THUMPD3: variants seen among roughly 807,000 people sequenced by gnomAD.
THUMPD3 encodes tRNA (guanine(6)-N(2))-methyltransferase THUMP3.
Under a neutral mutation model 54.5 loss-of-function variants are expected in THUMPD3, and 44 were observed. That is an observed-to-expected ratio of 0.81 (90% confidence interval 0.63 to 1.04). THUMPD3 has a LOEUF of 1.04. Ranked by LOEUF, THUMPD3 falls within the 50% of genes least tolerant of loss-of-function variation. The pLI is 0.00. For missense variants in THUMPD3, 604 were observed against 601.3 expected (o/e 1.00, Z -0.05); for synonymous variants, 196 against 201.4 (o/e 0.97, Z 0.23).
At position 9,384,974 on chromosome 3, in the gene THUMPD3, TAC is replaced by T; in HGVS notation, c.*287_*288del. On this transcript the variant is annotated 3_prime_UTR_variant, in exon 10 of 10. Coordinates refer to ENST00000452837, the MANE Select transcript of THUMPD3 (RefSeq NM_001114092.2). ...GGCCAACATGGTGAAACCCTGTCTC[TAC>T]TAGAAATACAAAAATTAGCCAGGTG... The T allele has an allele frequency of 3.5e-6, 1 of 289,462 alleles. No homozygotes were observed. The highest frequency in any genetic ancestry group is 6.7e-6 in the Non-Finnish European group (1 of 149,944). 17.9% of individuals were successfully genotyped at this position (289,462 alleles called of 1,614,324 possible).
intron 6 of THUMPD3, 127 bp from the exon 7 acceptor site, chr3:9,380,376 T>C (rs2032786942): frequency 4.8e-6 from 3 of 625,418 alleles, no homozygotes; most frequent in South Asian, 2.1e-5. Flanking sequence ...GCCAGGGAAA[T>C]AGCACAGTTG....
chr3:9,370,671 C>T (rs1408825736), intron 3 of THUMPD3, among the ~76,000 whole-genome samples: 32 of 152,132 alleles, frequency 2.1e-4, no homozygotes, highest in Non-Finnish European at 4.4e-5. Context: ...GTCTCAAACT[C>T]CTAAGTTCAA....
chr3:9,384,519 C>A lies in THUMPD3; in HGVS notation c.1360-5C>A, dbSNP rs779206276. ...CTAATTGTTATTTTTTTTGTGTGTA[C>A]ACAGGCGTTATCTGGAATGCGACAC... On this transcript the variant is annotated splice_region_variant and splice_polypyrimidine_tract_variant and intron_variant, in intron 9 of 9. Transcript: ENST00000452837. The A allele has an allele frequency of 3.1e-6, 5 of 1,613,838 alleles. No homozygotes were observed. In the African/African-American group the frequency reaches 6.7e-5, roughly 22 times the overall value.
At chr3:9,384,451 TG>T in intron 9 of THUMPD3, 72 bp from the exon 10 acceptor site, 1 of 1,603,954 alleles carries the variant, frequency 6.2e-7, no homozygotes, top group Non-Finnish European at 8.5e-7. Flanking sequence ...TTTCCTATCT[TG>T]GCAGTTAAGA....
chr3:9,369,310 A>AG (rs1491558777), intron 3 of THUMPD3, among the ~76,000 whole-genome samples: 158 of 12,228 alleles, frequency 0.013, no homozygotes, highest in African/African-American at 0.067. Context: ...ACTCCGTCTC[A>AG]AAAAAAAAAA....
At chr3:9,374,983 T>C (rs1026694371) in intron 5 of THUMPD3, among the ~76,000 whole-genome samples, 1 of 152,172 alleles carries the variant, frequency 6.6e-6, no homozygotes. Context: ...CTCAGCCGAA[T>C]AGCTGGGATT....
intron 7 of THUMPD3, 127 bp downstream of exon 7, chr3:9,380,745 TC>T: frequency 2.0e-6 from 1 of 494,580 alleles, no homozygotes; most frequent in South Asian, 3.7e-5. Flanking sequence ...ACTATGAGAC[TC>T]CATTTACATT....
Position 9,377,883 on chromosome 3 carries a change from A to G in THUMPD3, c.1003A>G (p.Ile335Val), listed in dbSNP as rs138446214. The G allele has an allele frequency of 3.1e-6, 5 of 1,610,048 alleles. No homozygotes were observed. Among genetic ancestry groups the G allele is most frequent in the Non-Finnish European group, 3.4e-6 (4 of 1,176,474 alleles). ...AATGTGTGGAACTGGGGCAATACCA[A>G]TAGAGGTAATCATATTTCTTTAGCT... The part of the protein sequence containing the change: ...DPMCGTGAIP[I>V]EGATEWSDCF... Residue 335 changes from isoleucine (I) to valine (V), a missense_variant, in exon 6 of 10, where the codon ATA (isoleucine) becomes GTA (valine). Physicochemically the swap from Ile to Val is conservative, Grantham distance 29 (BLOSUM62 3). Coordinates refer to ENST00000452837, the MANE Select transcript of THUMPD3 (RefSeq NM_001114092.2).
At chr3:9,373,364 C>T (rs1360968440) in intron 4 of THUMPD3, among the ~76,000 whole-genome samples, 1 of 152,006 alleles carries the variant, frequency 6.6e-6, no homozygotes, top group Non-Finnish European at 1.5e-5. Context: ...AGTATGATGA[C>T]AGACACCTAT....
chr3:9,367,084 C>A, intron 3 of THUMPD3, 99 bp downstream of exon 3: 1 of 911,714 alleles, frequency 1.1e-6, no homozygotes, highest in Non-Finnish European at 1.7e-6. Flanking sequence ...TTACTGTAGT[C>A]TTTGTAATAG....
chr3:9,382,220 ATT>A (rs780058527), intron 7 of THUMPD3, among the ~76,000 whole-genome samples: 1 of 152,006 alleles, frequency 6.6e-6, no homozygotes, highest in Non-Finnish European at 1.5e-5. Flanking sequence ...CTTTTATTGC[ATT>A]TTTTTCTTAA....
chr3:9,381,842 T>C lies in THUMPD3; in HGVS notation c.1124+1224T>C, dbSNP rs1277287317. On this transcript the variant is annotated intron_variant, in intron 7 of 9. Transcript: ENST00000452837. ...TCGCCCAGGCTGGAGTGCAGTGGCT[T>C]GATCTCGGCTCACTGCAAGCTCCGC... Among the ~76,000 whole-genome samples, 8 of 130,170 alleles carry C rather than the reference T, an allele frequency of 6.1e-5. 1 individual carries two copies. Among genetic ancestry groups the C allele is most frequent in the East Asian group, 2.8e-4 (1 of 3,622 alleles). The allele number at this position is 130,170 out of a possible 152,430, so 85.4% of individuals were successfully genotyped here.
intron 4 of THUMPD3, among the ~76,000 whole-genome samples, chr3:9,373,273 G>A (rs1381080001): frequency 3.3e-5 from 5 of 151,984 alleles, no homozygotes; most frequent in African/African-American, 9.7e-5. Context: ...TTGGAGGATT[G>A]TTTCAGGCCA....
chr3:9,380,560 G>A lies in THUMPD3; in HGVS notation c.1066G>A (p.Val356Met), dbSNP rs769689196. The change falls in exon 7 of 10, where the codon GTG (valine) becomes ATG (methionine). Residue 356 changes from valine to methionine, a missense_variant. By Grantham distance (21) the Val-to-Met change is conservative (BLOSUM62 1). Transcript: ENST00000452837. ...TGCTGGTGATAATAATCCACTGGCT[G>A]TGAATAGAGCAGCAAATAACATTGC... The part of the protein sequence containing the change: ...HIAGDNNPLA[V>M]NRAANNIASL... 6.2e-7 allele frequency: 1 copy of A among 1,613,798 alleles called. No individual in the cohort carries two copies. The highest frequency in any genetic ancestry group is 1.1e-5 in the South Asian group (1 of 91,054).
chr3:9,380,213 G>A (rs2032775306), intron 6 of THUMPD3, among the ~76,000 whole-genome samples: 3 of 152,126 alleles, frequency 2.0e-5, no homozygotes, highest in African/African-American at 7.2e-5. Flanking sequence ...AAGTGCAGTG[G>A]CAGAGGTACG....
chr3:9,384,528 T>C lies in THUMPD3; in HGVS notation c.1364T>C (p.Leu455Ser), dbSNP rs2033190704. The C allele has an allele frequency of 1.2e-6, 2 of 1,614,116 alleles. No individual in the cohort carries two copies. Among genetic ancestry groups the C allele is most frequent in the African/African-American group, 2.7e-5 (2 of 74,944 alleles). ...TQDTKCFTKA[L>S]SGMRHVWRKV... ...ATTTTTTTTGTGTGTACACAGGCGT[T>C]ATCTGGAATGCGACACGTATGGCGA... Residue 455 changes from leucine (L) to serine (S), a missense_variant, in exon 10 of 10, where the codon TTA becomes TCA. By Grantham distance (145) the Leu-to-Ser change is moderately radical (BLOSUM62 -2). Coordinates refer to ENST00000452837, the MANE Select transcript of THUMPD3 (RefSeq NM_001114092.2).
chr3:9,366,374 A>C (rs1292330392), intron 2 of THUMPD3, among the ~76,000 whole-genome samples: 1 of 152,186 alleles, frequency 6.6e-6, no homozygotes, highest in Non-Finnish European at 1.5e-5. Context: ...TATAGTAGGT[A>C]CCCAGAAAAT....
chr3:9,363,807 T>C (rs2031162588), intron 1 of THUMPD3: 1 of 4,886 alleles, frequency 2.0e-4, no homozygotes. Flanking sequence ...TAATTTTTTC[T>C]TTTTTTTTTT....
intron 5 of THUMPD3, 83 bp downstream of exon 5, chr3:9,374,729 G>T (rs1383656185): frequency 6.8e-7 from 1 of 1,473,144 alleles, no homozygotes; most frequent in Non-Finnish European, 9.4e-7. Context: ...GTGTGTATGT[G>T]TGTTTGAGGT....
Sources: allele counts gnomAD v4.1 joint callset (sites outside exome capture counted in the v4.1 genomes callset), GRCh38; gene constraint gnomAD v4.1.1; transcripts MANE v1.5; gene names NCBI Gene and HGNC (gene_info 2026-07-23, HGNC 2026-07-21).